The following RNF6 variants were observed in gnomAD, a reference collection of about 807,000 sequenced individuals.
RNF6 encodes the protein E3 ubiquitin-protein ligase RNF6.
RNF6 carries 21 observed loss-of-function variants against 50.1 expected under a neutral mutation model. The ratio of observed to expected loss-of-function variants is 0.42; its 90% CI spans 0.30 to 0.60. RNF6 has a LOEUF of 0.60. Ranked by LOEUF, RNF6 falls within the 20% of genes least tolerant of loss-of-function variation. The probability of loss-of-function intolerance (pLI) is 0.20; values close to 1 mark genes in which losing one functional copy is unlikely to be tolerated. For synonymous variants in RNF6, 255 were observed against 291.8 expected, an observed-to-expected ratio of 0.87 and a Z score of 1.29; for missense variants, 698 against 838.2, an observed-to-expected ratio of 0.83 and a Z score of 2.07.
upstream of RNF6, chr13:26,222,754 A>G (rs1051891899): frequency 2.6e-5 from 4 of 152,286 alleles, no homozygotes; most frequent in Non-Finnish European, 5.9e-5. Flanking sequence ...TCCTCATCCC[A>G]GTAGCTGGAA....
At chr13:26,169,904 C>T (rs1238259893) in intron 5 of RNF6, among the ~76,000 whole-genome samples, 4 of 152,238 alleles carry the variant, frequency 2.6e-5, no homozygotes, top group Non-Finnish European at 4.4e-5. Context: ...TTCACACTCT[C>T]TCCTATTATA....
At chr13:26,137,160 C>T (rs1388170043) in intron 5 of RNF6, among the ~76,000 whole-genome samples, 2 of 152,126 alleles carry the variant, frequency 1.3e-5, no homozygotes, top group Admixed American at 1.3e-4. Context: ...TATTTAACCT[C>T]ACTAAAGCTT....
chr13:26,165,964 G>A (rs1872431043), intron 5 of RNF6, among the ~76,000 whole-genome samples: 1 of 152,150 alleles, frequency 6.6e-6, no homozygotes, highest in African/African-American at 2.4e-5. Context: ...GAAATGTGAG[G>A]ACATGAGATT....
intron 5 of RNF6, among the ~76,000 whole-genome samples, chr13:26,176,332 C>T (rs1040093372): frequency 6.6e-6 from 1 of 152,142 alleles, no homozygotes; most frequent in African/African-American, 2.4e-5. Flanking sequence ...CTCTGTCACC[C>T]AGGCTGGAGT....
intron 5 of RNF6, among the ~76,000 whole-genome samples, chr13:26,160,549 T>C (rs1399405273): frequency 2.7e-5 from 4 of 145,936 alleles, no homozygotes; most frequent in Non-Finnish European, 6.0e-5. Context: ...TTCTTCTTTT[T>C]TTTTTTTTTT....
At chr13:26,202,014 G>A (rs1305999768) in intron 5 of RNF6, among the ~76,000 whole-genome samples, 1 of 152,176 alleles carries the variant, frequency 6.6e-6, no homozygotes, top group African/African-American at 2.4e-5. Flanking sequence ...ATGGAAGAAA[G>A]AGCGGTTTGT....
chr13:26,136,059 A>G (rs906119311), intron 5 of RNF6, among the ~76,000 whole-genome samples: 7 of 152,162 alleles, frequency 4.6e-5, no homozygotes, highest in Non-Finnish European at 8.8e-5. Flanking sequence ...ACCTAGCCTC[A>G]GGTATTTCTT....
chr13:26,182,973 G>A (rs1009433414), intron 5 of RNF6, among the ~76,000 whole-genome samples: 4 of 152,158 alleles, frequency 2.6e-5, no homozygotes, highest in African/African-American at 9.7e-5. Context: ...TAAGAATTCT[G>A]GGAGATTTGT....
intron 5 of RNF6, among the ~76,000 whole-genome samples, chr13:26,193,564 G>A (rs941824924): frequency 6.6e-6 from 1 of 152,196 alleles, no homozygotes; most frequent in Non-Finnish European, 1.5e-5. Context: ...AGCAAGACCT[G>A]GGGGAGAGAG....
intron 5 of RNF6, among the ~76,000 whole-genome samples, chr13:26,187,912 T>C (rs2057567): frequency 0.17 from 25,105 of 152,134 alleles, 2,269 homozygotes; most frequent in African/African-American, 0.24. Flanking sequence ...GAGACCACAG[T>C]GGCCTGAAGT....
chr13:26,160,515 C>A (rs1449681845), intron 5 of RNF6, among the ~76,000 whole-genome samples: 1 of 146,098 alleles, frequency 6.8e-6, no homozygotes, highest in African/African-American at 2.5e-5. Flanking sequence ...TATGCCACTG[C>A]ATCCAGCCTA....
intron 5 of RNF6, among the ~76,000 whole-genome samples, chr13:26,137,769 AC>A (rs367958430): frequency 8.1e-4 from 123 of 152,076 alleles, no homozygotes; most frequent in Middle Eastern, 3.4e-3. Context: ...GACTCAGCAA[AC>A]TTGGAGATAG....
intron 5 of RNF6, among the ~76,000 whole-genome samples, chr13:26,173,867 CT>C (rs1280779945): frequency 1.4e-5 from 2 of 147,358 alleles, no homozygotes; most frequent in African/African-American, 2.5e-5. Context: ...AGGAGAATCA[CT>C]TGAACTGGGG....
Position 26,215,162 on chromosome 13 carries a change from C to T in RNF6, c.720G>A (p.Gly240=), listed in dbSNP as rs1869734276. 4 of 1,614,088 alleles carry T rather than the reference C, an allele frequency of 2.5e-6. No individual in the cohort carries two copies. The highest frequency in any genetic ancestry group is 1.1e-5 in the South Asian group (1 of 91,090). ...STLGRLRNGI[G]GAAGIPRANA... is the part of the protein sequence containing the mutation. ...TAGCTCGAGGAATGCCAGCTGCTCCCCCAATTCCATTTCTTAACCTTCCCA... is the reference window on the plus strand; with the variant it reads ...TAGCTCGAGGAATGCCAGCTGCTCCTCCAATTCCATTTCTTAACCTTCCCA... Residue 240 remains glycine, a synonymous_variant, in exon 5 of 5, where the codon GGG becomes GGA. Coordinates refer to ENST00000381588, the MANE Select transcript of RNF6 (RefSeq NM_005977.4).
intron 5 of RNF6, among the ~76,000 whole-genome samples, chr13:26,132,633 T>A (rs1870449624): frequency 6.6e-6 from 1 of 152,198 alleles, no homozygotes; most frequent in Admixed American, 6.5e-5. Flanking sequence ...GATGTTGCCA[T>A]CCCAGCATTT....
chr13:26,214,033 T>G lies in RNF6; in HGVS notation c.1849A>C (p.Arg617=), dbSNP rs2137745859. ...TKEQIDNLST[R]HYEHNSIDSE... ...TCAATACTGTTATGCTCATAGTGCC[T>G]GGTGGAAAGATTGTCAATCTGCTCT... The change falls in exon 5 of 5, where the codon AGG becomes CGG. Residue 617 remains arginine (R), a synonymous_variant. Transcript: ENST00000381588. The G allele has an allele frequency of 6.2e-7, 1 of 1,614,208 alleles. No homozygotes were observed.
At chr13:26,203,090 T>C (rs1383554761) in intron 5 of RNF6, among the ~76,000 whole-genome samples, 7 of 152,188 alleles carry the variant, frequency 4.6e-5, no homozygotes, top group African/African-American at 1.7e-4. Flanking sequence ...AACCATTATG[T>C]GGCAATTTGG....
At chr13:26,220,709 G>A (rs936036063) in intron 2 of RNF6, among the ~76,000 whole-genome samples, 42 of 152,086 alleles carry the variant, frequency 2.8e-4, no homozygotes, top group African/African-American at 9.2e-4. Context: ...ACTATTCCTC[G>A]ACAATTTCTG....
At chr13:26,137,986 C>T (rs1870738074) in intron 5 of RNF6, among the ~76,000 whole-genome samples, 3 of 152,076 alleles carry the variant, frequency 2.0e-5, no homozygotes, top group Admixed American at 2.0e-4. Flanking sequence ...CATTAATCTA[C>T]ACACCCAAGA....
Sources: gnomAD v4.1 joint callset for allele counts (sites outside exome capture counted in the v4.1 genomes callset) on GRCh38, gnomAD v4.1.1 for gene constraint, MANE v1.5 for transcripts, NCBI Gene and HGNC (gene_info 2026-07-23, HGNC 2026-07-21) for gene names.